UNC13C: variants seen among roughly 807,000 people sequenced by gnomAD.
The protein encoded by UNC13C is unc-13 homolog C.
A neutral mutation model predicts 245.4 loss-of-function variants in UNC13C; 174 were observed. The ratio of observed to expected loss-of-function variants is 0.71; its 90% confidence interval spans 0.63 to 0.80. UNC13C has a LOEUF of 0.80. Among genes scored for constraint, UNC13C ranks in the 30% least tolerant of loss-of-function variants. The pLI is 0.00. For synonymous variants in UNC13C, 992 were observed against 895.1 expected (o/e 1.11, Z -1.93); for missense variants, 2,829 against 2,602.9 (o/e 1.09, Z -1.89).
In UNC13C at chr15:54,299,129, G is replaced by A. The variant is rs900643304; in HGVS notation, c.4105-1081G>A. On this transcript the variant is annotated intron_variant, in intron 12 of 32. Transcript: ENST00000260323. ...CTTGAACTGGCATGATGGAGAATTC[G>A]GGCCTTAAAGTGTGGGCAGAGAAGA... 2.6e-5 allele frequency among the ~76,000 whole-genome samples: 4 copies of A among 152,036 alleles called. No individual in the cohort carries two copies. The East Asian group carries it at 5.8e-4, about 22-fold the overall frequency.
chr15:54,597,896 T>C (rs1899187151), intron 30 of UNC13C, among the ~76,000 whole-genome samples: 1 of 152,182 alleles, frequency 6.6e-6, no homozygotes, highest in African/African-American at 2.4e-5. Context: ...TTTTCAAAAT[T>C]GAGGCATTAA....
At chr15:54,178,060 C>T (rs2033675065) in intron 4 of UNC13C, among the ~76,000 whole-genome samples, 1 of 151,778 alleles carries the variant, frequency 6.6e-6, no homozygotes, top group African/African-American at 2.4e-5. Flanking sequence ...TCTATCTTTC[C>T]CTTTAACTTC....
chr15:54,284,540 A>G (rs1459084308), intron 10 of UNC13C, among the ~76,000 whole-genome samples: 1 of 152,168 alleles, frequency 6.6e-6, no homozygotes, highest in Non-Finnish European at 1.5e-5. Flanking sequence ...GAGGAAAAAC[A>G]TGAATACAGG....
At chr15:54,170,787 C>T (rs550112356) in intron 4 of UNC13C, among the ~76,000 whole-genome samples, 6 of 152,124 alleles carry the variant, frequency 3.9e-5, no homozygotes, top group African/African-American at 1.4e-4. Flanking sequence ...GCTGTAAAGA[C>T]CCAGAAATCC....
intron 2 of UNC13C, among the ~76,000 whole-genome samples, chr15:54,102,613 T>C (rs1900222410): frequency 6.6e-6 from 1 of 152,248 alleles, no homozygotes; most frequent in Non-Finnish European, 1.5e-5. Flanking sequence ...ATACCTTTTC[T>C]GTATGTAGCT....
chr15:54,087,702 C>T (rs1302875024), intron 2 of UNC13C, among the ~76,000 whole-genome samples: 1 of 152,036 alleles, frequency 6.6e-6, no homozygotes, highest in African/African-American at 2.4e-5. Context: ...TTAGGCAGAG[C>T]CTTGTCTATG....
At position 54,627,343 on chromosome 15, in the gene UNC13C, CCTTTTAA is replaced by C. The variant is rs1188742931; in HGVS notation, c.*232_*238del. 8.0e-6 allele frequency: 3 copies of C among 373,670 alleles called. No individual in the cohort carries two copies. The highest frequency in any genetic ancestry group is 4.0e-5 in the East Asian group (1 of 25,058). The allele number at this position is 373,670 out of a possible 1,614,324, so 23.1% of individuals were successfully genotyped here. A position where few individuals can be genotyped will look rare whatever the true frequency, so the allele number is the denominator to read the frequency against. On this transcript the variant is annotated 3_prime_UTR_variant, in exon 33 of 33. Coordinates refer to ENST00000260323, the MANE Select transcript of UNC13C (RefSeq NM_001080534.3). The stretch of plus-strand genomic sequence containing the variant: ...GATGTAAAGTGAAATATCAAGAACA[CCTTTTAA>C]CATGTTTATTTTGTTTCTTTACCCA...
At chr15:54,030,598 C>G (rs148614036) in intron 2 of UNC13C, among the ~76,000 whole-genome samples, 2,775 of 152,280 alleles carry the variant, frequency 0.018, 43 homozygotes, top group Middle Eastern at 0.027. Context: ...CCTCTTCTTA[C>G]CCCCATCTTT....
At chr15:53,967,496 C>A in the UNC13C span, among the ~76,000 whole-genome samples, 1 of 152,100 alleles carries the variant, frequency 6.6e-6, no homozygotes, top group African/African-American at 2.4e-5. Context: ...TATTTCCTCT[C>A]ATACAAAAGC....
intron 2 of UNC13C, among the ~76,000 whole-genome samples, chr15:54,037,947 G>A: frequency 6.7e-6 from 1 of 150,194 alleles, no homozygotes; most frequent in East Asian, 2.0e-4. Context: ...GAGGTTTTTT[G>A]CTGTCTTTGA....
chr15:54,579,730 G>C (rs138443283), intron 30 of UNC13C, among the ~76,000 whole-genome samples: 1,895 of 152,234 alleles, frequency 0.012, 39 homozygotes, highest in African/African-American at 0.043. Flanking sequence ...CTGCACTCCA[G>C]CCTGGGCGAC....
intron 4 of UNC13C, among the ~76,000 whole-genome samples, chr15:54,149,111 C>T (rs1347234248): frequency 6.6e-6 from 1 of 152,126 alleles, no homozygotes; most frequent in Non-Finnish European, 1.5e-5. Flanking sequence ...CTGTCCCTGG[C>T]TCTCTGTCTC....
chr15:53,997,992 A>G (rs1385221804), intron 1 of UNC13C, among the ~76,000 whole-genome samples: 1 of 151,894 alleles, frequency 6.6e-6, no homozygotes, highest in Non-Finnish European at 1.5e-5. Flanking sequence ...TTGTAGAGAC[A>G]AGGTTTCGTC....
chr15:54,419,440 CT>C (rs1231579922), intron 19 of UNC13C, among the ~76,000 whole-genome samples: 1 of 152,226 alleles, frequency 6.6e-6, no homozygotes, highest in African/African-American at 2.4e-5. Context: ...ACTTCAATAA[CT>C]TTTAAATCTG....
chr15:54,541,566 G>A (rs1001484002), intron 26 of UNC13C, among the ~76,000 whole-genome samples: 1 of 152,082 alleles, frequency 6.6e-6, no homozygotes, highest in Non-Finnish European at 1.5e-5. Flanking sequence ...ATTCATCAGA[G>A]GTAGTATGGG....
intron 18 of UNC13C, among the ~76,000 whole-genome samples, chr15:54,406,045 G>C (rs2040285912): frequency 1.3e-5 from 2 of 152,160 alleles, no homozygotes; most frequent in South Asian, 4.1e-4. Flanking sequence ...CTCAGCTGTA[G>C]TCACTATAAC....
chr15:54,040,383 T>C (rs1477078418), intron 2 of UNC13C, among the ~76,000 whole-genome samples: 1 of 152,096 alleles, frequency 6.6e-6, no homozygotes, highest in African/African-American at 2.4e-5. Flanking sequence ...TGAACCAGCA[T>C]GATGCTATCA....
In UNC13C at chr15:54,004,161, C is replaced by T. The variant is rs1484477878; in HGVS notation, c.-256-8487C>T. ...CATCTGCATCTTCCTTCTACCTCCC[C>T]GTTACCCTTCCCAGCCTCCAGTAAC... On this transcript the variant is annotated intron_variant, in intron 1 of 32. Coordinates refer to ENST00000260323, the MANE Select transcript of UNC13C (RefSeq NM_001080534.3). Among the ~76,000 whole-genome samples the T allele has an allele frequency of 5.9e-5, 9 of 152,238 alleles. No individual in the cohort carries two copies. The East Asian group carries it at 9.7e-4, about 16-fold the overall frequency.
intron 17 of UNC13C, among the ~76,000 whole-genome samples, chr15:54,387,320 G>T (rs905877414): frequency 1.7e-4 from 26 of 152,176 alleles, no homozygotes; most frequent in Non-Finnish European, 5.9e-5. Flanking sequence ...GAAAAGGGAT[G>T]TGGATTTCCT....
Sources: allele counts gnomAD v4.1 joint callset (sites outside exome capture counted in the v4.1 genomes callset), GRCh38; gene constraint gnomAD v4.1.1; transcripts MANE v1.5; gene names NCBI Gene and HGNC (gene_info 2026-07-23, HGNC 2026-07-21).